XKR4: variants seen among roughly 807,000 people sequenced by gnomAD.
The protein encoded by XKR4 is XK-related protein 4.
In XKR4, 12 loss-of-function variants were observed where a neutral mutation model predicts 53.9. The ratio of observed to expected loss-of-function variants is 0.22; its 90% CI spans 0.14 to 0.36. The LOEUF is 0.36. XKR4 is among the 10% of genes least tolerant of loss of function. XKR4 has a pLI of 1.00. For missense variants in XKR4, 799 were observed against 859.5 expected, an observed-to-expected ratio of 0.93 and a Z score of 0.88; for synonymous variants, 354 against 362.4, an observed-to-expected ratio of 0.98 and a Z score of 0.26.
intron 2 of XKR4, among the ~76,000 whole-genome samples, chr8:55,424,760 T>C (rs900611291): frequency 2.6e-5 from 4 of 152,204 alleles, no homozygotes; most frequent in Non-Finnish European, 4.4e-5. Context: ...AATAGGTATT[T>C]GTTGATGAAT....
rs1018855468 is a variant in XKR4, at chr8:55,523,441, G to C, written c.1167G>C (p.Thr389=). Reference sequence around the variant, plus strand: ...TCACCATCGCCGCCAGGGTCATCACGTTTGCCCTCTTTGCCTCGGTTTTCC... The same window carrying C: ...TCACCATCGCCGCCAGGGTCATCACCTTTGCCCTCTTTGCCTCGGTTTTCC... ...HFFTIAARVI[T]FALFASVFQL... Residue 389 remains threonine (T), a synonymous_variant, in exon 3 of 3, where the codon ACG becomes ACC. Coordinates refer to ENST00000327381, the MANE Select transcript of XKR4 (RefSeq NM_052898.2). 6.2e-7 allele frequency: 1 copy of C among 1,614,070 alleles called. No individual in the cohort carries two copies. Among genetic ancestry groups the C allele is most frequent in the African/African-American group, 1.3e-5 (1 of 74,920 alleles).
intron 2 of XKR4, among the ~76,000 whole-genome samples, chr8:55,517,001 T>C (rs936072188): frequency 3.3e-5 from 5 of 152,136 alleles, no homozygotes; most frequent in African/African-American, 1.2e-4. Flanking sequence ...TGGGAGCCAC[T>C]ATCCTAAGTG....
At chr8:55,250,556 C>T (rs111995222) in intron 1 of XKR4, among the ~76,000 whole-genome samples, 205 of 152,176 alleles carry the variant, frequency 1.3e-3, no homozygotes, top group African/African-American at 4.8e-3. Flanking sequence ...CTTGTGTGGT[C>T]CTGACCCATG....
chr8:55,415,541 GA>G (rs369128483), intron 2 of XKR4, among the ~76,000 whole-genome samples: 35 of 151,300 alleles, frequency 2.3e-4, no homozygotes, highest in African/African-American at 7.5e-4. Flanking sequence ...TTTGGATAGA[GA>G]AAAAAAAATC....
chr8:55,532,555 G>C lies in XKR4; in HGVS notation c.*8328G>C, dbSNP rs1806968032. ...TCACGCCTGTAATCCCAACACTTTG[G>C]GAGGCTGAGGCGGGCGGATCACAAG... is the stretch of plus-strand genomic sequence containing the variant. On this transcript the variant is annotated 3_prime_UTR_variant, in exon 3 of 3. Transcript: ENST00000327381. The C allele has an allele frequency of 6.6e-6, 1 of 152,104 alleles. No homozygotes were observed. Among genetic ancestry groups the C allele is most frequent in the Admixed American group, 6.6e-5 (1 of 15,264 alleles). 9.4% of individuals were successfully genotyped at this position (152,104 alleles called of 1,614,324 possible). A position where few individuals can be genotyped will look rare whatever the true frequency, so the allele number is the denominator to read the frequency against.
At chr8:55,321,083 G>T (rs142455332) in intron 1 of XKR4, among the ~76,000 whole-genome samples, 16 of 152,132 alleles carry the variant, frequency 1.1e-4, no homozygotes, top group Admixed American at 7.9e-4. Flanking sequence ...GAAACGAGGA[G>T]GTAAGCTTCC....
intron 1 of XKR4, among the ~76,000 whole-genome samples, chr8:55,283,008 G>T (rs1276850562): frequency 6.6e-6 from 1 of 152,012 alleles, no homozygotes; most frequent in Non-Finnish European, 1.5e-5. Context: ...TACTTACCAT[G>T]GTGTTACAAT....
chr8:55,434,719 G>A (rs991076814), intron 2 of XKR4, among the ~76,000 whole-genome samples: 1 of 152,216 alleles, frequency 6.6e-6, no homozygotes, highest in African/African-American at 2.4e-5. Context: ...CCCACTCAGT[G>A]TGGTAAAGAT....
At chr8:55,380,112 T>C (rs1019035476) in intron 2 of XKR4, among the ~76,000 whole-genome samples, 1 of 152,216 alleles carries the variant, frequency 6.6e-6, no homozygotes, top group Non-Finnish European at 1.5e-5. Context: ...GTCCCTGCTG[T>C]CTGAATGCTC....
chr8:55,194,514 C>G (rs542386746), intron 1 of XKR4, among the ~76,000 whole-genome samples: 1 of 152,166 alleles, frequency 6.6e-6, no homozygotes, highest in Non-Finnish European at 1.5e-5. Context: ...GAAAGAGACT[C>G]GTAGCACACT....
chr8:55,436,737 A>T (rs1405878371), intron 2 of XKR4, among the ~76,000 whole-genome samples: 1 of 152,202 alleles, frequency 6.6e-6, no homozygotes, highest in Non-Finnish European at 1.5e-5. Context: ...GGCAACCACC[A>T]TGCAAATCAC....
intron 1 of XKR4, among the ~76,000 whole-genome samples, chr8:55,113,626 G>T (rs548919539): frequency 6.6e-6 from 1 of 152,264 alleles, no homozygotes; most frequent in South Asian, 2.1e-4. Context: ...GTTTTACATG[G>T]ATACATTGTA....
chr8:55,518,186 T>A (rs1006841086), intron 2 of XKR4, among the ~76,000 whole-genome samples: 3 of 152,198 alleles, frequency 2.0e-5, no homozygotes, highest in Non-Finnish European at 2.9e-5. Context: ...CGAATTCTTG[T>A]TTACACCCAG....
At chr8:55,460,237 T>C (rs920633159) in intron 2 of XKR4, among the ~76,000 whole-genome samples, 6 of 152,130 alleles carry the variant, frequency 3.9e-5, no homozygotes, top group African/African-American at 1.4e-4. Context: ...AAAACCACAG[T>C]AACAGAAAGC....
intron 2 of XKR4, among the ~76,000 whole-genome samples, chr8:55,377,292 A>G (rs1291344868): frequency 6.6e-6 from 1 of 152,142 alleles, no homozygotes; most frequent in African/African-American, 2.4e-5. Flanking sequence ...AGTAACCCAT[A>G]CCTCATAGGC....
intron 2 of XKR4, among the ~76,000 whole-genome samples, chr8:55,498,633 G>A (rs1433811852): frequency 6.6e-6 from 1 of 152,040 alleles, no homozygotes; most frequent in African/African-American, 2.4e-5. Context: ...ATTATCTGGG[G>A]CCAGTAGCGT....
intron 1 of XKR4, among the ~76,000 whole-genome samples, chr8:55,301,451 A>G (rs1819195385): frequency 6.6e-6 from 1 of 152,028 alleles, no homozygotes; most frequent in African/African-American, 2.4e-5. Flanking sequence ...TGCCGCAATA[A>G]ACATACATGT....
chr8:55,357,909 G>C, intron 2 of XKR4, 32 bp downstream of exon 2: 1 of 1,590,800 alleles, frequency 6.3e-7, no homozygotes, highest in South Asian at 1.1e-5. Flanking sequence ...TCTGAATTTG[G>C]GGAAAGATTG....
Position 55,102,952 on chromosome 8 carries a change from GCT to G in XKR4, c.469_470del (p.Leu157ValfsTer61). 6.2e-7 allele frequency: 1 copy of G among 1,611,394 alleles called. No homozygotes were observed. Among genetic ancestry groups the G allele is most frequent in the Non-Finnish European group, 8.5e-7 (1 of 1,179,862 alleles). On this transcript the variant is annotated frameshift_variant, in exon 1 of 3. Coordinates refer to ENST00000327381, the MANE Select transcript of XKR4 (RefSeq NM_052898.2). LOFTEE classifies it high-confidence loss of function. This position sits in a 1 kb window ranked among gnomAD's most constrained non-coding sequence, Gnocchi z 5.1. Reference sequence around the variant, plus strand: ...CTCACGCTCTTCTTCGTGGTGCTCGGCTCTCTGTCGGTGCAAGTGTTCAGCTT... The same window carrying G: ...CTCACGCTCTTCTTCGTGGTGCTCGGCTCTGTCGGTGCAAGTGTTCAGCTT...
Sources: gnomAD v4.1 joint callset for allele counts (sites outside exome capture counted in the v4.1 genomes callset) on GRCh38, gnomAD v4.1.1 for gene constraint, Gnocchi (gnomAD v3.1) non-coding constraint, MANE v1.5 for transcripts, NCBI Gene and HGNC (gene_info 2026-07-23, HGNC 2026-07-21) for gene names.